TRPM3: variants seen among roughly 807,000 people sequenced by gnomAD.
The protein encoded by TRPM3 is long transient receptor potential channel 3.
A neutral mutation model predicts 181.2 loss-of-function variants in TRPM3; 77 were observed. The observed-to-expected ratio is 0.42, with a 90% CI of 0.35 to 0.51. The LOEUF is 0.51. TRPM3 is among the 20% of genes least tolerant of loss of function. The pLI is 0.01. For missense variants in TRPM3, 1,759 were observed against 2,196.7 expected, an observed-to-expected ratio of 0.80 and a Z score of 3.98; for synonymous variants, 745 against 796.4, an observed-to-expected ratio of 0.94 and a Z score of 1.09.
At chr9:71,086,275 T>A (rs1302552207) in intron 1 of TRPM3, among the ~76,000 whole-genome samples, 1 of 151,912 alleles carries the variant, frequency 6.6e-6, no homozygotes, top group African/African-American at 2.4e-5. Flanking sequence ...GTGATGGGAT[T>A]ATTAGTATCA....
intron 1 of TRPM3, among the ~76,000 whole-genome samples, chr9:71,296,334 C>A (rs1249097468): frequency 6.6e-6 from 1 of 152,102 alleles, no homozygotes; most frequent in Admixed American, 6.6e-5. Context: ...AAATAATAAA[C>A]AAGTAGACAA....
chr9:71,445,790 CACAA>C (rs1282334819), intron 1 of TRPM3, among the ~76,000 whole-genome samples: 2 of 152,162 alleles, frequency 1.3e-5, no homozygotes, highest in Admixed American at 6.5e-5. Context: ...AATACACACA[CACAA>C]ACACACACAC....
At chr9:70,803,390 AT>A (rs920230235) in intron 6 of TRPM3, among the ~76,000 whole-genome samples, 17 of 151,194 alleles carry the variant, frequency 1.1e-4, no homozygotes, top group African/African-American at 3.4e-4. Context: ...TTATGATACA[AT>A]TTTTTAAAAT....
chr9:70,909,323 A>G (rs942691430), intron 1 of TRPM3, among the ~76,000 whole-genome samples: 1 of 152,150 alleles, frequency 6.6e-6, no homozygotes, highest in Non-Finnish European at 1.5e-5. Flanking sequence ...TTACATTTCT[A>G]TGTTAAATCA....
intron 1 of TRPM3, among the ~76,000 whole-genome samples, chr9:71,099,606 G>C (rs1002617944): frequency 6.6e-5 from 10 of 151,924 alleles, no homozygotes; most frequent in African/African-American, 2.4e-4. Flanking sequence ...CCTTTAGATG[G>C]GTTCCCCCCC....
At chr9:70,797,180 C>A (rs765604393) in intron 6 of TRPM3, among the ~76,000 whole-genome samples, 3 of 152,006 alleles carry the variant, frequency 2.0e-5, no homozygotes, top group South Asian at 4.2e-4. Context: ...ATTATTTCCA[C>A]GTAAATTTTA....
chr9:71,289,300 C>G (rs2085577059), intron 1 of TRPM3, among the ~76,000 whole-genome samples: 1 of 151,732 alleles, frequency 6.6e-6, no homozygotes, highest in Non-Finnish European at 1.5e-5. Context: ...AAAAAGAAAC[C>G]ATCAAAAATT....
intron 1 of TRPM3, among the ~76,000 whole-genome samples, chr9:71,232,564 G>A (rs1019984897): frequency 3.7e-5 from 5 of 136,934 alleles, no homozygotes; most frequent in Admixed American, 1.6e-4. Context: ...GCGGTGGCAC[G>A]ATCTCCACTC....
chr9:70,618,603 C>T (rs529841262), intron 17 of TRPM3, among the ~76,000 whole-genome samples: 15 of 152,318 alleles, frequency 9.8e-5, no homozygotes, highest in African/African-American at 3.6e-4. Context: ...GCGTGGCCAT[C>T]CCCTTTGACT....
At chr9:71,418,362 G>C (rs1473258901) in intron 1 of TRPM3, among the ~76,000 whole-genome samples, 1 of 151,898 alleles carries the variant, frequency 6.6e-6, no homozygotes, top group African/African-American at 2.4e-5. Context: ...AAGGGAACTG[G>C]AAGTTCAGTA....
chr9:71,299,552 G>A (rs1219022386), intron 1 of TRPM3, among the ~76,000 whole-genome samples: 1 of 151,722 alleles, frequency 6.6e-6, no homozygotes, highest in Non-Finnish European at 1.5e-5. Flanking sequence ...AGGAAGGAGA[G>A]GGGAGGGAGG....
At chr9:71,282,306 CGAAA>C (rs1420100402) in intron 1 of TRPM3, among the ~76,000 whole-genome samples, 333 of 26,438 alleles carry the variant, frequency 0.013, 14 homozygotes, top group South Asian at 0.026. Context: ...AAAGAAAGAA[CGAAA>C]GAAAGAAAGA....
rs564844046 is a variant in TRPM3, at chr9:70,892,601, G to A, written c.178-28090C>T. 4.9e-5 allele frequency among the ~76,000 whole-genome samples: 6 copies of A among 123,420 alleles called. No homozygotes were observed. The South Asian group carries it at 8.2e-4, about 17-fold the overall frequency. The allele number at this position is 123,420 out of a possible 152,430, so 81.0% of individuals were successfully genotyped here. On this transcript the variant is annotated intron_variant, in intron 1 of 25. Coordinates refer to ENST00000677713, the MANE Select transcript of TRPM3 (RefSeq NM_001366145.2). ...TTAGGTTCAAGTTTCAAATTTACCCGTTTGACCTCAAAAAAAAAAAAAAAA... is the reference window on the plus strand; with the variant it reads ...TTAGGTTCAAGTTTCAAATTTACCCATTTGACCTCAAAAAAAAAAAAAAAA...
At chr9:70,876,853 C>T in intron 1 of TRPM3, among the ~76,000 whole-genome samples, 1 of 151,844 alleles carries the variant, frequency 6.6e-6, no homozygotes, top group Non-Finnish European at 1.5e-5. Context: ...TTTTTTAGAG[C>T]AGTTTTAGGT....
At chr9:71,301,956 C>T (rs891528462) in intron 1 of TRPM3, among the ~76,000 whole-genome samples, 1 of 152,012 alleles carries the variant, frequency 6.6e-6, no homozygotes, top group Admixed American at 6.6e-5. Context: ...ATCTGATTAT[C>T]CTCCTTCAAA....
intron 1 of TRPM3, among the ~76,000 whole-genome samples, chr9:71,069,755 C>T (rs1052655818): frequency 2.6e-5 from 4 of 151,938 alleles, no homozygotes; most frequent in Non-Finnish European, 4.4e-5. Context: ...ATTACAGGTA[C>T]ACACCACCAC....
intron 1 of TRPM3, among the ~76,000 whole-genome samples, chr9:71,015,667 T>C (rs1428989219): frequency 2.0e-5 from 3 of 152,196 alleles, no homozygotes; most frequent in Non-Finnish European, 4.4e-5. Context: ...TTAATTGGGT[T>C]CTCTCACATT....
At chr9:71,398,131 T>C (rs1266056369) in intron 1 of TRPM3, among the ~76,000 whole-genome samples, 1 of 152,212 alleles carries the variant, frequency 6.6e-6, no homozygotes, top group Non-Finnish European at 1.5e-5. Flanking sequence ...ATTACATCAA[T>C]TTAATTATAC....
chr9:70,777,587 C>G lies in TRPM3; in HGVS notation c.1148+6518G>C, dbSNP rs189933665. On this transcript the variant is annotated intron_variant, in intron 7 of 25. Transcript: ENST00000677713. ...CAATATATCTATGTCTTTATATATA[C>G]TACAGAGGCAAAAACTGCCGTGGTA... Among the ~76,000 whole-genome samples, 290 of 152,196 alleles carry G rather than the reference C, an allele frequency of 1.9e-3. 2 individuals are homozygous for G. Among genetic ancestry groups the G allele is most frequent in the Non-Finnish European group, 3.3e-3 (225 of 67,996 alleles).
Sources: allele counts gnomAD v4.1 joint callset (sites outside exome capture counted in the v4.1 genomes callset), GRCh38; gene constraint gnomAD v4.1.1; transcripts MANE v1.5; gene names NCBI Gene and HGNC (gene_info 2026-07-23, HGNC 2026-07-21).